The following PCLO variants were observed in gnomAD, a reference collection of about 807,000 sequenced individuals.
The protein encoded by PCLO is protein piccolo.
In PCLO, 82 loss-of-function variants were observed where a neutral mutation model predicts 427.5. That is an observed-to-expected ratio of 0.19 (90% confidence interval 0.16 to 0.23). The LOEUF is 0.23. Among genes scored for constraint, PCLO ranks in the 10% least tolerant of loss-of-function variants. The pLI is 1.00. For missense variants in PCLO, 6,239 were observed against 6,115.9 expected, an observed-to-expected ratio of 1.02 and a Z score of -0.67; for synonymous variants, 2,357 against 2,155.4, an observed-to-expected ratio of 1.09 and a Z score of -2.59.
In PCLO at chr7:83,162,359, C is replaced by A; in HGVS notation, c.234G>T (p.Ser78=). Residue 78 remains serine, a synonymous_variant, in exon 1 of 25, where the codon TCG becomes TCT. Coordinates refer to ENST00000333891, the MANE Select transcript of PCLO (RefSeq NM_033026.6). ...KGSVPPAAAE[S]PSMHRKQELD... is the part of the protein sequence containing the mutation. ...GCTGTGCATGCCTGTGCATGGAAGG[C>A]GACTCCGCAGCGGCCGGGGGGACGC... 1 of 1,599,820 alleles carries A rather than the reference C, an allele frequency of 6.3e-7. No homozygotes were observed. The highest frequency in any genetic ancestry group is 8.5e-7 in the Non-Finnish European group (1 of 1,173,366).
chr7:82,958,259 T>C (rs1302340168), intron 4 of PCLO, among the ~76,000 whole-genome samples: 4 of 151,972 alleles, frequency 2.6e-5, no homozygotes, highest in Non-Finnish European at 1.5e-5. Flanking sequence ...AGATGTACGG[T>C]TGCACAACAA....
chr7:83,091,979 T>C (rs1420584288), intron 3 of PCLO, among the ~76,000 whole-genome samples: 1 of 151,746 alleles, frequency 6.6e-6, no homozygotes, highest in East Asian at 1.9e-4. Flanking sequence ...CACTTCCAAA[T>C]TTTTTTTTCA....
At chr7:82,996,323 CATTT>C (rs931741507) in intron 3 of PCLO, among the ~76,000 whole-genome samples, 1 of 151,616 alleles carries the variant, frequency 6.6e-6, no homozygotes, top group Non-Finnish European at 1.5e-5. Context: ...AAGAGGAAAA[CATTT>C]ATTTTAAAAA....
chr7:82,766,631 T>C (rs1357764522), intron 22 of PCLO, among the ~76,000 whole-genome samples: 1 of 152,098 alleles, frequency 6.6e-6, no homozygotes, highest in Non-Finnish European at 1.5e-5. Context: ...CATGATGAAA[T>C]AGAACAGCAA....
chr7:82,820,538 AC>A, intron 20 of PCLO: 1 of 1,224,936 alleles, frequency 8.2e-7, no homozygotes, highest in Non-Finnish European at 1.0e-6. Context: ...CACATGCCCA[AC>A]ACATCTGATA....
chr7:82,800,305 G>A (rs997910289), intron 22 of PCLO, among the ~76,000 whole-genome samples: 13 of 152,168 alleles, frequency 8.5e-5, no homozygotes, highest in Non-Finnish European at 1.9e-4. Flanking sequence ...ATAAAGACCA[G>A]AATTGAAACC....
intron 2 of PCLO, among the ~76,000 whole-genome samples, chr7:83,149,674 T>C (rs1792081361): frequency 6.6e-6 from 1 of 152,216 alleles, no homozygotes; most frequent in African/African-American, 2.4e-5. Flanking sequence ...TTCCAGCCTC[T>C]TGACATTTGG....
intron 3 of PCLO, among the ~76,000 whole-genome samples, chr7:83,035,540 G>T (rs982845825): frequency 1.3e-5 from 2 of 151,928 alleles, no homozygotes; most frequent in Non-Finnish European, 2.9e-5. Context: ...TATATTAACT[G>T]GTTTTATGTC....
chr7:82,777,555 G>C (rs967891526), intron 22 of PCLO, among the ~76,000 whole-genome samples: 17 of 152,044 alleles, frequency 1.1e-4, no homozygotes, highest in African/African-American at 3.6e-4. Flanking sequence ...CAAACACATG[G>C]ACCAATGGAA....
intron 3 of PCLO, among the ~76,000 whole-genome samples, chr7:83,013,303 C>A (rs1788130520): frequency 6.6e-6 from 1 of 152,126 alleles, no homozygotes; most frequent in Admixed American, 6.6e-5. Flanking sequence ...CAGAATTTAA[C>A]AGGAAATTCT....
intron 3 of PCLO, among the ~76,000 whole-genome samples, chr7:82,976,427 C>T (rs559240676): frequency 2.0e-5 from 3 of 152,264 alleles, no homozygotes; most frequent in Non-Finnish European, 2.9e-5. Flanking sequence ...ATGAACAAAT[C>T]TCTATACCAA....
Position 82,762,179 on chromosome 7 carries a change from A to G in PCLO, c.15008-686T>C, listed in dbSNP as rs564902253. 1.2e-4 allele frequency among the ~76,000 whole-genome samples: 18 copies of G among 152,186 alleles called. No individual in the cohort carries two copies. In the South Asian group the frequency reaches 3.5e-3, roughly 30 times the overall value. On this transcript the variant is annotated intron_variant, in intron 22 of 24. Coordinates refer to ENST00000333891, the MANE Select transcript of PCLO (RefSeq NM_033026.6). ...TCATCAATAAATATATAATTATAAA[A>G]AGAGGAAAGGTTCTGAAGTATAGAA...
chr7:83,078,368 C>G (rs1190894989), intron 3 of PCLO, among the ~76,000 whole-genome samples: 2 of 151,980 alleles, frequency 1.3e-5, no homozygotes. Flanking sequence ...TCAACCTTTG[C>G]TGCCCTATTT....
At chr7:82,877,978 G>T (rs1186665687) in intron 10 of PCLO, among the ~76,000 whole-genome samples, 3 of 152,170 alleles carry the variant, frequency 2.0e-5, no homozygotes, top group Admixed American at 2.0e-4. Flanking sequence ...ACCAAGCCCA[G>T]CCAACAATAT....
At chr7:83,153,057 T>C (rs1005334430) in intron 2 of PCLO, among the ~76,000 whole-genome samples, 1 of 151,928 alleles carries the variant, frequency 6.6e-6, no homozygotes, top group Non-Finnish European at 1.5e-5. Flanking sequence ...ATCCAAACAC[T>C]ATAAAGTGAT....
At chr7:82,922,526 G>A (rs1794621424) in intron 6 of PCLO, among the ~76,000 whole-genome samples, 1 of 151,954 alleles carries the variant, frequency 6.6e-6, no homozygotes, top group South Asian at 2.1e-4. Flanking sequence ...CTATAAGTGG[G>A]ATCTAAACAT....
chr7:82,951,116 C>A lies in PCLO; in HGVS notation c.9472G>T (p.Gly3158Cys). 6.2e-7 allele frequency: 1 copy of A among 1,613,716 alleles called. No homozygotes were observed. Among genetic ancestry groups the A allele is most frequent in the South Asian group, 1.1e-5 (1 of 91,052 alleles). Residue 3158 changes from glycine to cysteine, a missense_variant, in exon 6 of 25, where the codon GGT becomes TGT. Transcript: ENST00000333891. The part of the protein sequence containing the change: ...GASETDIAVT[G>C]IDISASLQTI... The stretch of plus-strand genomic sequence containing the variant: ...TGCAAACTGGCACTGATATCAATAC[C>A]AGTTACTGCAATGTCCGTTTCAGAT...
chr7:83,146,455 T>A (rs1019217373), intron 2 of PCLO, among the ~76,000 whole-genome samples: 4 of 152,206 alleles, frequency 2.6e-5, no homozygotes, highest in African/African-American at 9.6e-5. Context: ...AAACTAAGAT[T>A]AAGATACCAA....
intron 3 of PCLO, among the ~76,000 whole-genome samples, chr7:83,110,742 CT>C (rs1790983382): frequency 2.6e-5 from 4 of 152,114 alleles, no homozygotes; most frequent in Admixed American, 2.6e-4. Context: ...ACAATTGCTG[CT>C]TCAATATCAG....
Sources: gnomAD v4.1 joint callset for allele counts (sites outside exome capture counted in the v4.1 genomes callset) on GRCh38, gnomAD v4.1.1 for gene constraint, MANE v1.5 for transcripts, NCBI Gene and HGNC (gene_info 2026-07-23, HGNC 2026-07-21) for gene names.